Variants in SCN8A observed in about 807,000 individuals in gnomAD.
The protein encoded by SCN8A is sodium channel protein type 8 subunit alpha.
SCN8A carries 30 observed loss-of-function variants against 184.1 expected under a neutral mutation model. That is an observed-to-expected ratio of 0.16 (90% CI 0.12 to 0.22). The LOEUF is 0.22. SCN8A is among the 10% of genes least tolerant of loss of function. SCN8A has a pLI of 1.00. For synonymous variants in SCN8A, 852 were observed against 907.0 expected (o/e 0.94, Z 1.09); for missense variants, 1,057 against 2,498.9 (o/e 0.42, Z 12.30).
chr12:51,787,046 C>G (rs1220954798), intron 22 of SCN8A, among the ~76,000 whole-genome samples: 1 of 152,152 alleles, frequency 6.6e-6, no homozygotes, highest in East Asian at 1.9e-4. Flanking sequence ...TCTCATTGTG[C>G]TCAGGAACAG....
intron 11 of SCN8A, chr12:51,712,828 T>C: frequency 8.0e-7 from 1 of 1,246,036 alleles, no homozygotes; most frequent in Non-Finnish European, 1.2e-6. Flanking sequence ...ACCTCCTCCA[T>C]AACTACCTCT....
chr12:51,675,513 T>G (rs944728867), intron 2 of SCN8A, among the ~76,000 whole-genome samples: 1 of 152,136 alleles, frequency 6.6e-6, no homozygotes, highest in Non-Finnish European at 1.5e-5. Flanking sequence ...TAGAGGAGAT[T>G]CGTTCATTGA....
chr12:51,613,848 T>C (rs1939775187), intron 1 of SCN8A, among the ~76,000 whole-genome samples: 1 of 152,156 alleles, frequency 6.6e-6, no homozygotes, highest in South Asian at 2.1e-4. Context: ...TTTGGAGTGT[T>C]GGGAGATTTG....
intron 21 of SCN8A, among the ~76,000 whole-genome samples, chr12:51,783,351 C>T (rs1156601259): frequency 3.3e-5 from 5 of 152,024 alleles, no homozygotes; most frequent in Non-Finnish European, 5.9e-5. Flanking sequence ...TATGCCAACA[C>T]TTGAGAGATT....
intron 12 of SCN8A, among the ~76,000 whole-genome samples, chr12:51,732,846 T>A: frequency 6.6e-6 from 1 of 152,148 alleles, no homozygotes; most frequent in East Asian, 1.9e-4. Context: ...CTTTTTTTAT[T>A]TCTTTTTCAG....
At chr12:51,802,802 G>A (rs937797118) in intron 26 of SCN8A, among the ~76,000 whole-genome samples, 7 of 152,160 alleles carry the variant, frequency 4.6e-5, no homozygotes, top group African/African-American at 9.7e-5. Flanking sequence ...AATATCAAAT[G>A]CCATCTATTT....
chr12:51,684,793 A>T (rs536510238), intron 3 of SCN8A, among the ~76,000 whole-genome samples: 1 of 152,336 alleles, frequency 6.6e-6, no homozygotes, highest in African/African-American at 2.4e-5. Context: ...AGAGGTTTAG[A>T]TGCAGATTGT....
intron 6 of SCN8A, among the ~76,000 whole-genome samples, chr12:51,698,146 T>A (rs10783468): frequency 6.6e-6 from 1 of 152,108 alleles, no homozygotes; most frequent in East Asian, 1.9e-4. Context: ...GACCTACTGC[T>A]CCCAGCTGCT....
Position 51,788,680 on chromosome 12 carries a change from G to A in SCN8A, c.4228-15G>A. ...CCTTTATAGGCACCGTCTAATGACT[G>A]ACTCTGTTTGCCAGGCAACCTTCAA... On this transcript the variant is annotated splice_polypyrimidine_tract_variant and intron_variant, in intron 22 of 26. Coordinates refer to ENST00000627620, the MANE Select transcript of SCN8A (RefSeq NM_001330260.2). 6.2e-7 allele frequency: 1 copy of A among 1,603,470 alleles called. No homozygotes were observed.
chr12:51,806,814 T>C lies in SCN8A; in HGVS notation c.5328T>C (p.Ser1776=). ...ACTTCAGTGTAGCCACAGAGGAAAGTGCAGACCCTCTGAGTGAGGATGACT... is the reference window on the plus strand; with the variant it reads ...ACTTCAGTGTAGCCACAGAGGAAAGCGCAGACCCTCTGAGTGAGGATGACT... The part of the protein sequence containing the change: ...LENFSVATEE[S]ADPLSEDDFE... Residue 1776 remains serine, a synonymous_variant, in exon 27 of 27, where the codon AGT becomes AGC. Coordinates refer to ENST00000627620, the MANE Select transcript of SCN8A (RefSeq NM_001330260.2). The surrounding 1 kb of genome is among the most constrained non-coding windows in gnomAD (Gnocchi z 8.7). 6.2e-7 allele frequency: 1 copy of C among 1,614,206 alleles called. No individual in the cohort carries two copies. Among genetic ancestry groups the C allele is most frequent in the Non-Finnish European group, 8.5e-7 (1 of 1,180,036 alleles).
At chr12:51,682,640 TA>T (rs1169406347) in intron 2 of SCN8A, among the ~76,000 whole-genome samples, 1 of 152,280 alleles carries the variant, frequency 6.6e-6, no homozygotes, top group Non-Finnish European at 1.5e-5. Context: ...TTTTTTCTTT[TA>T]AAAAAATTAT....
At chr12:51,627,149 CTT>C (rs773485037) in intron 1 of SCN8A, among the ~76,000 whole-genome samples, 3 of 152,032 alleles carry the variant, frequency 2.0e-5, no homozygotes, top group African/African-American at 4.8e-5. Flanking sequence ...GAGTAGGAGA[CTT>C]ATTCTAGTGT....
intron 25 of SCN8A, among the ~76,000 whole-genome samples, chr12:51,792,532 G>A (rs1051244904): frequency 2.0e-5 from 3 of 151,078 alleles, no homozygotes; most frequent in African/African-American, 4.9e-5. Flanking sequence ...CAAAGAGCTG[G>A]GGAAAGAGAT....
At chr12:51,698,931 A>G (rs1200056988) in intron 6 of SCN8A, among the ~76,000 whole-genome samples, 1 of 152,202 alleles carries the variant, frequency 6.6e-6, no homozygotes, top group East Asian at 1.9e-4. Flanking sequence ...GGCCTCCTCA[A>G]TTCCTGATTT....
In SCN8A at chr12:51,810,838, C is replaced by G. The variant is rs1938870573; in HGVS notation, c.*3409C>G. 6.6e-6 allele frequency: 1 copy of G among 152,252 alleles called. No homozygotes were observed. Among genetic ancestry groups the G allele is most frequent in the Non-Finnish European group, 1.5e-5 (1 of 68,086 alleles). The allele number at this position is 152,252 out of a possible 1,614,324, so 9.4% of individuals were successfully genotyped here. A position where few individuals can be genotyped will look rare whatever the true frequency, so the allele number is the denominator to read the frequency against. ...TCCATGTTAACATGGCCTACTCTCA[C>G]TCCTTTCTAAACGAGCCACTTTTGG... On this transcript the variant is annotated 3_prime_UTR_variant, in exon 27 of 27. Coordinates refer to ENST00000627620, the MANE Select transcript of SCN8A (RefSeq NM_001330260.2).
intron 25 of SCN8A, among the ~76,000 whole-genome samples, chr12:51,793,432 A>T (rs947217765): frequency 2.6e-5 from 4 of 152,160 alleles, no homozygotes; most frequent in Admixed American, 1.3e-4. Context: ...TGAGATGCTT[A>T]TGAGTCATCA....
intron 20 of SCN8A, chr12:51,780,195 T>C (rs1215589914): frequency 2.2e-6 from 1 of 456,228 alleles, no homozygotes; most frequent in East Asian, 7.0e-5. Flanking sequence ...TGTATTCTTT[T>C]CCATAGGTAC....
intron 1 of SCN8A, among the ~76,000 whole-genome samples, chr12:51,662,329 C>A (rs1218941906): frequency 6.6e-6 from 1 of 152,116 alleles, no homozygotes; most frequent in African/African-American, 2.4e-5. Flanking sequence ...ACAATTTATC[C>A]TCATCTTGCC....
chr12:51,781,696 A>C (rs1361429488), intron 21 of SCN8A, among the ~76,000 whole-genome samples: 1 of 142,672 alleles, frequency 7.0e-6, no homozygotes, highest in Non-Finnish European at 1.6e-5. Flanking sequence ...ATTTCTTAAA[A>C]TCAAAGGGGC....
Sources: allele counts gnomAD v4.1 joint callset (sites outside exome capture counted in the v4.1 genomes callset), GRCh38; gene constraint gnomAD v4.1.1; non-coding constraint Gnocchi (gnomAD v3.1); transcripts MANE v1.5; gene names NCBI Gene and HGNC (gene_info 2026-07-23, HGNC 2026-07-21).